The following MYO6 variants were observed in gnomAD, a reference collection of about 807,000 sequenced individuals.
The protein encoded by MYO6 is myosin VI, also known as unconventional myosin-VI.
In MYO6, 74 loss-of-function variants were observed where a neutral mutation model predicts 178.7. The ratio of observed to expected loss-of-function variants is 0.41; its 90% CI spans 0.34 to 0.50. The LOEUF (loss-of-function observed/expected upper bound fraction) is 0.50, where lower values mean the gene tolerates loss of function less well. MYO6 is among the 20% of genes least tolerant of loss of function. The probability of loss-of-function intolerance (pLI) is 0.09; values close to 1 mark genes in which losing one functional copy is unlikely to be tolerated. For synonymous variants in MYO6, 477 were observed against 504.6 expected (o/e 0.95, Z 0.73); for missense variants, 1,330 against 1,547.4 (o/e 0.86, Z 2.36).
chr6:75,878,099 CATTA>C (rs1474716694), intron 20 of MYO6, among the ~76,000 whole-genome samples: 3 of 152,038 alleles, frequency 2.0e-5, no homozygotes, highest in African/African-American at 4.8e-5. Context: ...TAATGTGTTT[CATTA>C]ATTAATATTG....
At chr6:75,768,662 A>G (rs1029069037) in intron 1 of MYO6, among the ~76,000 whole-genome samples, 2 of 152,118 alleles carry the variant, frequency 1.3e-5, no homozygotes, top group Non-Finnish European at 2.9e-5. Context: ...GATTACCGGT[A>G]TGAGCCACTG....
chr6:75,824,630 T>C (rs748758012), intron 3 of MYO6, among the ~76,000 whole-genome samples: 59 of 152,130 alleles, frequency 3.9e-4, no homozygotes, highest in Non-Finnish European at 3.7e-4. Flanking sequence ...ATTATGGTAA[T>C]GTGAAGATTA....
At chr6:75,756,910 T>TATAC (rs67653365) in intron 1 of MYO6, among the ~76,000 whole-genome samples, 63,598 of 123,896 alleles carry the variant, frequency 0.51, 20,557 homozygotes, top group Middle Eastern at 0.7. Context: ...TATATATATA[T>TATAC]ACACATATAT....
chr6:75,915,116 A>G lies in MYO6; in HGVS notation c.*104A>G. The stretch of plus-strand genomic sequence containing the variant: ...CCATAATCATGTTAGAGTTACTTCT[A>G]TAAAGTGAACAGATTTTATTAATCA... On this transcript the variant is annotated 3_prime_UTR_variant, in exon 35 of 35. Coordinates refer to ENST00000369977, the MANE Select transcript of MYO6 (RefSeq NM_004999.4). 2 of 1,119,818 alleles carry G rather than the reference A, an allele frequency of 1.8e-6. No individual in the cohort carries two copies. The highest frequency in any genetic ancestry group is 2.6e-6 in the Non-Finnish European group (2 of 765,006). 69.4% of individuals were successfully genotyped at this position (1,119,818 alleles called of 1,614,324 possible).
intron 1 of MYO6, among the ~76,000 whole-genome samples, chr6:75,782,355 A>T (rs1376870244): frequency 6.6e-6 from 1 of 151,694 alleles, no homozygotes; most frequent in Non-Finnish European, 1.5e-5. Context: ...ACTGTCTCTT[A>T]CCCTTATTAT....
At chr6:75,865,280 C>T (rs917341154) in intron 16 of MYO6, 1 of 148,104 alleles carries the variant, frequency 6.8e-6, no homozygotes, top group Non-Finnish European at 1.5e-5. Flanking sequence ...CCTGACCCTG[C>T]TTAGCTTTTG....
Position 75,853,246 on chromosome 6 carries a change from A to G in MYO6, c.1079-1893A>G, listed in dbSNP as rs563013959. ...ATATTCTAAGTACAAGTCCTTTATC[A>G]GATATATAATTTGCAAATCTTTTCT... On this transcript the variant is annotated intron_variant, in intron 11 of 34. Transcript: ENST00000369977. 2.6e-5 allele frequency among the ~76,000 whole-genome samples: 4 copies of G among 152,286 alleles called. No homozygotes were observed. The South Asian group carries it at 8.3e-4, about 32-fold the overall frequency.
chr6:75,899,438 AT>A (rs572853987), intron 30 of MYO6, among the ~76,000 whole-genome samples: 2 of 151,956 alleles, frequency 1.3e-5, no homozygotes, highest in African/African-American at 4.8e-5. Flanking sequence ...AAATAAAAGG[AT>A]TTTTTTTGTT....
intron 1 of MYO6, among the ~76,000 whole-genome samples, chr6:75,805,002 C>CACATATATATAT (rs1554199386): frequency 2.2e-4 from 14 of 63,970 alleles, no homozygotes; most frequent in South Asian, 5.2e-4. Context: ...TACACACACA[C>CACATATATATAT]ATATATATAT....
At position 75,905,226 on chromosome 6, in the gene MYO6, G is replaced by C. The variant is rs549584065; in HGVS notation, c.3177-2379G>C. On this transcript the variant is annotated intron_variant, in intron 30 of 34. Transcript: ENST00000369977. ...GAGGTGGAGCCTACAGAGGCAGGCAGGCCTTCTTGAGCTGTGATGCTTCCC... is the reference window on the plus strand; with the variant it reads ...GAGGTGGAGCCTACAGAGGCAGGCACGCCTTCTTGAGCTGTGATGCTTCCC... 2.8e-3 allele frequency among the ~76,000 whole-genome samples: 432 copies of C among 152,358 alleles called. 4 individuals are homozygous for C. The highest frequency in any genetic ancestry group is 0.01 in the African/African-American group (418 of 41,586).
rs1214830578 is a variant in MYO6, at chr6:75,919,098, A to ATG, written c.*4086_*4087insTG. On this transcript the variant is annotated 3_prime_UTR_variant, in exon 35 of 35. Transcript: ENST00000369977. ...GGCGCCATTGCACTCCATCCTGGGC[A>ATG]ACAAGAGCGAAATTCCATCTCAAAA... The ATG allele has an allele frequency of 1.3e-5, 2 of 150,982 alleles. No homozygotes were observed. Among genetic ancestry groups the ATG allele is most frequent in the East Asian group, 3.9e-4 (2 of 5,136 alleles). 9.4% of individuals were successfully genotyped at this position (150,982 alleles called of 1,614,324 possible).
intron 27 of MYO6, among the ~76,000 whole-genome samples, chr6:75,892,167 T>C (rs1778952612): frequency 6.6e-6 from 1 of 152,234 alleles, no homozygotes; most frequent in Non-Finnish European, 1.5e-5. Flanking sequence ...GCTTTCATAA[T>C]ATATCCTAAG....
At chr6:75,754,672 T>C (rs572914969) in intron 1 of MYO6, among the ~76,000 whole-genome samples, 12 of 152,246 alleles carry the variant, frequency 7.9e-5, no homozygotes, top group African/African-American at 2.9e-4. Context: ...GTTTTAGATA[T>C]GACAAGTGTG....
intron 23 of MYO6, among the ~76,000 whole-genome samples, chr6:75,883,143 A>G (rs1778174658): frequency 6.6e-6 from 1 of 152,168 alleles, no homozygotes; most frequent in Admixed American, 6.5e-5. Flanking sequence ...ATGGAGTTAA[A>G]TTTGCAAAAA....
At chr6:75,910,613 A>G (rs1780689323) in intron 32 of MYO6, among the ~76,000 whole-genome samples, 1 of 152,190 alleles carries the variant, frequency 6.6e-6, no homozygotes, top group Non-Finnish European at 1.5e-5. Context: ...ACACATACAT[A>G]TTAAGCCTTC....
At chr6:75,888,116 G>T (rs1325881981) in intron 25 of MYO6, among the ~76,000 whole-genome samples, 1 of 151,004 alleles carries the variant, frequency 6.6e-6, no homozygotes, top group African/African-American at 2.4e-5. Context: ...ATAGTGAATC[G>T]CCGTCTCTAC....
intron 30 of MYO6, among the ~76,000 whole-genome samples, chr6:75,902,402 A>C (rs972493999): frequency 4.5e-4 from 69 of 152,214 alleles, no homozygotes; most frequent in Admixed American, 2.8e-3. Flanking sequence ...ACAATTTCAG[A>C]TCCTGTTATT....
intron 16 of MYO6, among the ~76,000 whole-genome samples, chr6:75,863,920 C>T (rs776915170): frequency 5.3e-5 from 8 of 152,162 alleles, no homozygotes; most frequent in Non-Finnish European, 8.8e-5. Flanking sequence ...TCTTTTCATT[C>T]AGCCATTGTT....
chr6:75,753,931 A>C (rs1777118081), intron 1 of MYO6, among the ~76,000 whole-genome samples: 1 of 152,220 alleles, frequency 6.6e-6, no homozygotes, highest in Admixed American at 6.5e-5. Flanking sequence ...GAATGACATA[A>C]TGGTTTGAGA....
Sources: gnomAD v4.1 joint callset for allele counts (sites outside exome capture counted in the v4.1 genomes callset) on GRCh38, gnomAD v4.1.1 for gene constraint, MANE v1.5 for transcripts, NCBI Gene and HGNC (gene_info 2026-07-23, HGNC 2026-07-21) for gene names.